Variants in SRPRB observed in about 807,000 individuals in gnomAD.
The protein encoded by SRPRB is signal recognition particle receptor subunit beta.
In SRPRB, 20 loss-of-function variants were observed where a neutral mutation model predicts 31.9. The observed-to-expected ratio is 0.63, with a 90% CI of 0.44 to 0.91. The LOEUF is 0.91. SRPRB is among the 40% of genes least tolerant of loss of function. The pLI, the probability that SRPRB is intolerant of heterozygous loss-of-function variation, is 0.00. For missense variants in SRPRB, 321 were observed against 324.9 expected, an observed-to-expected ratio of 0.99 and a Z score of 0.09; for synonymous variants, 146 against 132.8, an observed-to-expected ratio of 1.10 and a Z score of -0.68.
At chr3:133,826,045 A>T (rs1935556967), downstream of SRPRB, 1 of 152,268 alleles carries the variant, frequency 6.6e-6, no homozygotes, top group African/African-American at 2.4e-5. Context: ...CCTGCTCAAG[A>T]CAAAAATCAG....
chr3:133,816,976 CTT>C (rs1422742084), intron 6 of SRPRB, 44 bp downstream of exon 6: 15 of 1,494,744 alleles, frequency 1.0e-5, no homozygotes, highest in East Asian at 6.9e-5. Context: ...TATCTTAACA[CTT>C]AGACTGTAAG....
At chr3:133,826,520 T>A (rs1011330887), downstream of SRPRB, 1 of 152,700 alleles carries the variant, frequency 6.5e-6, no homozygotes, top group African/African-American at 2.4e-5. Context: ...TGGCCCCCGC[T>A]GCCAACCAGG....
chr3:133,826,520 T>C (rs1011330887), downstream of SRPRB: 4 of 152,818 alleles, frequency 2.6e-5, no homozygotes, highest in East Asian at 7.7e-4. Flanking sequence ...TGGCCCCCGC[T>C]GCCAACCAGG....
In SRPRB at chr3:133,819,791, T is replaced by G. The variant is rs375046814; in HGVS notation, c.*25T>G. The G allele has an allele frequency of 5.3e-5, 85 of 1,605,694 alleles. No individual in the cohort carries two copies. In the African/African-American group the frequency reaches 9.6e-4, roughly 18 times the overall value. Reference sequence around the variant, plus strand: ...AGAGGCAGCTCTAAAGCACAAGACCTGGATGTGTGACACACAGTTTTGGAA... The same window carrying G: ...AGAGGCAGCTCTAAAGCACAAGACCGGGATGTGTGACACACAGTTTTGGAA... On this transcript the variant is annotated 3_prime_UTR_variant, in exon 7 of 7. Transcript: ENST00000678299.
chr3:133,806,515 G>A (rs543542125), intron 1 of SRPRB, 94 bp from the exon 2 acceptor site: 3 of 931,880 alleles, frequency 3.2e-6, no homozygotes, highest in African/African-American at 3.3e-5. Flanking sequence ...GAGGTGTTTC[G>A]TCACAGACTT....
downstream of SRPRB, among the ~76,000 whole-genome samples, chr3:133,822,786 GA>G (rs1935495926): frequency 6.6e-6 from 1 of 152,210 alleles, no homozygotes; most frequent in Non-Finnish European, 1.5e-5. Flanking sequence ...TGGCAATTAA[GA>G]TGCCTATCTC....
chr3:133,805,175 A>T (rs1351632464), upstream of SRPRB, among the ~76,000 whole-genome samples: 1 of 152,188 alleles, frequency 6.6e-6, no homozygotes, highest in Non-Finnish European at 1.5e-5. Context: ...TGATTTTCCT[A>T]GTTGCTTCCT....
downstream of SRPRB, chr3:133,828,539 G>A: frequency 2.1e-6 from 1 of 484,614 alleles, no homozygotes; most frequent in Non-Finnish European, 3.6e-6. Flanking sequence ...AACAGTTTTT[G>A]GCAATCTTAA....
chr3:133,811,072 C>T lies in SRPRB; in HGVS notation c.328-45C>T, dbSNP rs146769122. On this transcript the variant is annotated intron_variant, in intron 3 of 6. Coordinates refer to ENST00000678299, the MANE Select transcript of SRPRB (RefSeq NM_001379313.1). ...TGATACTAAAGGTTTATATTGTGAA[C>T]GTGGAACTGTATTGAAACGTTAATG... The T allele has an allele frequency of 1.6e-5, 26 of 1,586,318 alleles. No homozygotes were observed. The East Asian group carries it at 3.4e-4, about 21-fold the overall frequency.
chr3:133,820,304 C>T lies in SRPRB; in HGVS notation c.*538C>T, dbSNP rs534892365. On this transcript the variant is annotated 3_prime_UTR_variant, in exon 7 of 7. Transcript: ENST00000678299. ...GAAGACAGGTACAAAATAGCAGAGC[C>T]AAGCAGACAGTGGGTCTATTCTTCA... 2 of 157,206 alleles carry T rather than the reference C, an allele frequency of 1.3e-5. No individual in the cohort carries two copies. Among genetic ancestry groups the T allele is most frequent in the East Asian group, 1.9e-4 (1 of 5,382 alleles). 9.7% of individuals were successfully genotyped at this position (157,206 alleles called of 1,614,324 possible).
chr3:133,807,652 A>G, intron 2 of SRPRB, 94 bp from the exon 3 acceptor site: 1 of 827,402 alleles, frequency 1.2e-6, no homozygotes, highest in South Asian at 1.6e-5. Flanking sequence ...GCATTCATTT[A>G]CTTAACCTTA....
At chr3:133,824,744 C>CA (rs1935529609), downstream of SRPRB, 1 of 152,164 alleles carries the variant, frequency 6.6e-6, no homozygotes, top group South Asian at 2.1e-4. Context: ...CCAATATTCT[C>CA]ACTCATATGC....
At chr3:133,825,603 T>C (rs937824689), downstream of SRPRB, 4 of 152,266 alleles carry the variant, frequency 2.6e-5, no homozygotes, top group Non-Finnish European at 4.4e-5. Context: ...TGTTGATGTA[T>C]GTATGATCAC....
At chr3:133,790,880 T>C (rs1934813908) in intron 1 of SRPRB, 1 of 152,146 alleles carries the variant, frequency 6.6e-6, no homozygotes, top group Non-Finnish European at 1.5e-5. Flanking sequence ...AGGAACAAAA[T>C]ATTCATTATG....
chr3:133,815,582 C>T lies in SRPRB; in HGVS notation c.411-8C>T. The T allele has an allele frequency of 6.2e-7, 1 of 1,611,792 alleles. No individual in the cohort carries two copies. The highest frequency in any genetic ancestry group is 8.5e-7 in the Non-Finnish European group (1 of 1,179,170). ...CACATGCCAGTTTTTCTTGTTTTCT[C>T]CCTCCAGGGCTATTGTGTTTGTTGT... is the stretch of plus-strand genomic sequence containing the variant. On this transcript the variant is annotated splice_region_variant and splice_polypyrimidine_tract_variant and intron_variant, in intron 4 of 6. Transcript: ENST00000678299.
intron 3 of SRPRB, among the ~76,000 whole-genome samples, chr3:133,810,035 C>T (rs2107970541): frequency 6.6e-6 from 1 of 152,132 alleles, no homozygotes; most frequent in South Asian, 2.1e-4. Flanking sequence ...TCGATCTAAT[C>T]TCTTTAGATA....
At chr3:133,821,944 G>C (rs1210184123), downstream of SRPRB, among the ~76,000 whole-genome samples, 1 of 152,160 alleles carries the variant, frequency 6.6e-6, no homozygotes, top group Non-Finnish European at 1.5e-5. Context: ...TCTTACTCCT[G>C]TACTAGTAGC....
chr3:133,819,742 G>A lies in SRPRB; in HGVS notation c.792G>A (p.Glu264=). 1.2e-6 allele frequency: 2 copies of A among 1,614,168 alleles called. No homozygotes were observed. Among genetic ancestry groups the A allele is most frequent in the Non-Finnish European group, 1.7e-6 (2 of 1,180,038 alleles). ...GCTCTGCTGACATCCAGGACTTGGA[G>A]AAATGGCTGGCTAAAATTGCCTGAG... ...DVGSADIQDL[E]KWLAKIA is the part of the protein sequence containing the mutation. Residue 264 remains glutamate, a synonymous_variant, in exon 7 of 7, where the codon GAG becomes GAA. Transcript: ENST00000678299.
intron 2 of SRPRB, 21 bp from the exon 3 acceptor site, chr3:133,807,725 C>A: frequency 6.5e-7 from 1 of 1,548,838 alleles, no homozygotes; most frequent in Non-Finnish European, 8.9e-7. Flanking sequence ...TTGAATATCA[C>A]CCATCTTGTT....
Sources: allele counts gnomAD v4.1 joint callset (sites outside exome capture counted in the v4.1 genomes callset), GRCh38; gene constraint gnomAD v4.1.1; transcripts MANE v1.5; gene names NCBI Gene and HGNC (gene_info 2026-07-23, HGNC 2026-07-21).